PIK3C2G: variants seen among roughly 807,000 people sequenced by gnomAD.
The protein encoded by PIK3C2G is phosphatidylinositol-4-phosphate 3-kinase catalytic subunit type 2 gamma.
A neutral mutation model predicts 181.1 loss-of-function variants in PIK3C2G; 168 were observed. That is an observed-to-expected ratio of 0.93 (90% CI 0.82 to 1.05). PIK3C2G has a LOEUF of 1.05. Ranked by LOEUF, PIK3C2G falls within the 50% of genes least tolerant of loss-of-function variation. The probability of loss-of-function intolerance (pLI) is 0.00; values close to 1 mark genes in which losing one functional copy is unlikely to be tolerated. For synonymous variants in PIK3C2G, 573 were observed against 592.2 expected (o/e 0.97, Z 0.47); for missense variants, 1,869 against 1,732.8 (o/e 1.08, Z -1.40).
At chr12:18,469,997 A>G (rs1399378281) in intron 18 of PIK3C2G, among the ~76,000 whole-genome samples, 1 of 151,598 alleles carries the variant, frequency 6.6e-6, no homozygotes, top group African/African-American at 2.4e-5. Flanking sequence ...AGTCATATCT[A>G]AAGTTTACCT....
At chr12:18,448,751 T>TAA (rs538187264) in intron 18 of PIK3C2G, among the ~76,000 whole-genome samples, 1 of 151,960 alleles carries the variant, frequency 6.6e-6, no homozygotes, top group Non-Finnish European at 1.5e-5. Flanking sequence ...ATTATATATA[T>TAA]AATGAAATAT....
At chr12:18,531,301 AAAT>A (rs1943541452) in intron 24 of PIK3C2G, among the ~76,000 whole-genome samples, 1 of 152,134 alleles carries the variant, frequency 6.6e-6, no homozygotes, top group Admixed American at 6.6e-5. Context: ...AATATATTTT[AAAT>A]AATACTTTTT....
chr12:18,710,918 AC>A, the PIK3C2G span, among the ~76,000 whole-genome samples: 2 of 152,074 alleles, frequency 1.3e-5, no homozygotes, highest in African/African-American at 4.8e-5. Context: ...AAATAGGAAC[AC>A]TTTTACACTG....
chr12:18,562,321 A>G (rs1317191370), intron 26 of PIK3C2G, among the ~76,000 whole-genome samples: 2 of 152,064 alleles, frequency 1.3e-5, no homozygotes. Context: ...TTTAGTAGAA[A>G]CAGGGTTTCA....
intron 31 of PIK3C2G, among the ~76,000 whole-genome samples, chr12:18,627,257 C>A (rs1949144339): frequency 6.6e-6 from 1 of 152,008 alleles, no homozygotes; most frequent in Non-Finnish European, 1.5e-5. Flanking sequence ...TCTCAAACTT[C>A]TCATTTTGTT....
intron 10 of PIK3C2G, among the ~76,000 whole-genome samples, chr12:18,346,079 G>A (rs1335024418): frequency 6.6e-6 from 1 of 152,132 alleles, no homozygotes; most frequent in Non-Finnish European, 1.5e-5. Flanking sequence ...GAAAGTCTTT[G>A]ATTTTGAAGA....
intron 18 of PIK3C2G, among the ~76,000 whole-genome samples, chr12:18,481,414 C>T (rs1939550709): frequency 6.6e-6 from 1 of 152,082 alleles, no homozygotes; most frequent in South Asian, 2.1e-4. Flanking sequence ...TAGTTTTTTC[C>T]CTCCATAGCT....
In PIK3C2G at chr12:18,451,843, C is replaced by G. The variant is rs145735848; in HGVS notation, c.2504+27804C>G. ...TTGAGATAATCATGTGGTTTTTTGT[C>G]ATTGGCTCTGTTTATGTGATGGATT... On this transcript the variant is annotated intron_variant, in intron 18 of 32. Transcript: ENST00000538779. Among the ~76,000 whole-genome samples, 1,215 of 152,238 alleles carry G rather than the reference C, an allele frequency of 8.0e-3. 19 individuals carry two copies. Among genetic ancestry groups the G allele is most frequent in the African/African-American group, 0.028 (1,178 of 41,532 alleles).
intron 29 of PIK3C2G, among the ~76,000 whole-genome samples, chr12:18,593,473 G>T (rs1274661975): frequency 6.6e-6 from 1 of 151,926 alleles, no homozygotes; most frequent in South Asian, 2.1e-4. Context: ...TCCTGGGGAA[G>T]AGTAGAAAAA....
intron 26 of PIK3C2G, 97 bp downstream of exon 26, chr12:18,546,529 T>A (rs1167323343): frequency 1.4e-6 from 1 of 702,122 alleles, no homozygotes; most frequent in Non-Finnish European, 2.5e-6. Flanking sequence ...GTCATTGGTA[T>A]GAAGCTGTTG....
At chr12:18,506,317 G>C (rs1351771760) in intron 24 of PIK3C2G, among the ~76,000 whole-genome samples, 2 of 152,112 alleles carry the variant, frequency 1.3e-5, no homozygotes, top group Non-Finnish European at 2.9e-5. Context: ...CAATCAGGTA[G>C]GGCACAGAGG....
chr12:18,470,331 T>C (rs960248427), intron 18 of PIK3C2G, among the ~76,000 whole-genome samples: 2 of 152,034 alleles, frequency 1.3e-5, no homozygotes, highest in Non-Finnish European at 2.9e-5. Flanking sequence ...CAGTTCAAGG[T>C]AGGAAGACGC....
At position 18,505,477 on chromosome 12, in the gene PIK3C2G, T is replaced by C; in HGVS notation, c.3323+16T>C. The stretch of plus-strand genomic sequence containing the variant: ...GGATAAAAAGGTCAGTGCACAAATG[T>C]TTATTACAGTAATTAAGCAGTGTCC... On this transcript the variant is annotated intron_variant, in intron 24 of 32. Transcript: ENST00000538779. 6.3e-7 allele frequency: 1 copy of C among 1,594,254 alleles called. No individual in the cohort carries two copies. Among genetic ancestry groups the C allele is most frequent in the Non-Finnish European group, 8.6e-7 (1 of 1,166,386 alleles).
At chr12:18,454,411 G>A (rs1354582248) in intron 18 of PIK3C2G, among the ~76,000 whole-genome samples, 2 of 152,152 alleles carry the variant, frequency 1.3e-5, no homozygotes, top group Non-Finnish European at 2.9e-5. Context: ...TGGGTGAGGT[G>A]CTTTCTCTGC....
chr12:18,559,809 TATATATATATATAGAGAGAGAGAG>T (rs1292788186), intron 26 of PIK3C2G, among the ~76,000 whole-genome samples: 49 of 37,400 alleles, frequency 1.3e-3, no homozygotes, highest in East Asian at 4.5e-3. Context: ...TATATATATA[TATATATATATATAGAGAGAGAGAG>T]AGAGAGAGAG....
chr12:18,612,617 T>C (rs1170369447), intron 31 of PIK3C2G, among the ~76,000 whole-genome samples: 3 of 152,136 alleles, frequency 2.0e-5, no homozygotes, highest in African/African-American at 7.2e-5. Context: ...AAAACAACTT[T>C]CTACTATAAA....
intron 24 of PIK3C2G, among the ~76,000 whole-genome samples, chr12:18,523,257 G>A (rs565719807): frequency 2.2e-4 from 34 of 152,032 alleles, no homozygotes; most frequent in African/African-American, 6.8e-4. Context: ...TCTGTTACTG[G>A]CATTTTATTA....
chr12:18,288,889 T>A (rs144669570), intron 3 of PIK3C2G, among the ~76,000 whole-genome samples: 737 of 152,314 alleles, frequency 4.8e-3, no homozygotes, highest in Non-Finnish European at 7.1e-3. Flanking sequence ...GATTTTCCAG[T>A]GACTTATAGT....
chr12:18,641,591 T>C (rs1949839996), intron 32 of PIK3C2G, among the ~76,000 whole-genome samples: 1 of 152,068 alleles, frequency 6.6e-6, no homozygotes, highest in South Asian at 2.1e-4. Flanking sequence ...TCTTAAAATA[T>C]TATTGTTTAC....
Sources: gnomAD v4.1 joint callset for allele counts (sites outside exome capture counted in the v4.1 genomes callset) on GRCh38, gnomAD v4.1.1 for gene constraint, MANE v1.5 for transcripts, NCBI Gene and HGNC (gene_info 2026-07-23, HGNC 2026-07-21) for gene names.